The following RBFOX1 variants were observed in gnomAD, a reference collection of about 807,000 sequenced individuals.
The protein encoded by RBFOX1 is RNA binding fox-1 homolog 1, also known as RNA binding protein fox-1 homolog 1.
A neutral mutation model predicts 57.7 loss-of-function variants in RBFOX1; 8 were observed. The observed-to-expected ratio is 0.14, with a 90% CI of 0.08 to 0.25. The LOEUF (loss-of-function observed/expected upper bound fraction) is 0.25, where lower values mean the gene tolerates loss of function less well. RBFOX1 is among the 10% of genes least tolerant of loss of function. RBFOX1 has a pLI of 1.00. For synonymous variants in RBFOX1, 326 were observed against 222.4 expected (o/e 1.47, Z -4.15); for missense variants, 611 against 548.5 (o/e 1.11, Z -1.14).
intron 2 of RBFOX1, among the ~76,000 whole-genome samples, chr16:6,425,275 T>C (rs909755609): frequency 3.3e-5 from 5 of 151,914 alleles, no homozygotes; most frequent in African/African-American, 1.2e-4. Flanking sequence ...TTGGGGAGGG[T>C]AACATTGGGC....
chr16:6,335,195 G>C (rs928996429), intron 2 of RBFOX1, among the ~76,000 whole-genome samples: 3 of 152,176 alleles, frequency 2.0e-5, no homozygotes, highest in African/African-American at 7.2e-5. Context: ...TGTTAGACAC[G>C]TAAGGCAGAC....
Position 7,052,034 on chromosome 16 carries a change from C to T in RBFOX1, c.-15-23C>T, listed in dbSNP as rs773054835. Reference sequence around the variant, plus strand: ...TGATCCGGAGCCTTCTGACTTTTCCCCTTCATTTTCTTTTCTTTCTAGGTT... The same window carrying T: ...TGATCCGGAGCCTTCTGACTTTTCCTCTTCATTTTCTTTTCTTTCTAGGTT... On this transcript the variant is annotated intron_variant, in intron 3 of 15. Transcript: ENST00000550418. The T allele has an allele frequency of 9.6e-6, 15 of 1,564,128 alleles. No homozygotes were observed. The East Asian group carries it at 3.1e-4, about 33-fold the overall frequency.
downstream of RBFOX1, among the ~76,000 whole-genome samples, chr16:5,603,812 C>T (rs929522574): frequency 2.6e-5 from 4 of 152,198 alleles, no homozygotes; most frequent in African/African-American, 9.7e-5. Context: ...CTTGCAGGTA[C>T]ATGTTTCCTT....
chr16:6,605,750 G>GC (rs2097916865), intron 2 of RBFOX1, among the ~76,000 whole-genome samples: 1 of 152,168 alleles, frequency 6.6e-6, no homozygotes, highest in South Asian at 2.1e-4. Flanking sequence ...TGTTCGTGGA[G>GC]GTTGCATTTA....
At chr16:7,120,582 C>G (rs564395490) in intron 4 of RBFOX1, among the ~76,000 whole-genome samples, 66 of 151,172 alleles carry the variant, frequency 4.4e-4, no homozygotes, top group African/African-American at 1.6e-3. Context: ...TTATTCAAAA[C>G]AAACAGGATA....
intron 4 of RBFOX1, among the ~76,000 whole-genome samples, chr16:7,384,468 T>C (rs1223785297): frequency 6.6e-6 from 1 of 152,198 alleles, no homozygotes; most frequent in African/African-American, 2.4e-5. Context: ...AGCTGCTTAT[T>C]GCAGTGGGTT....
chr16:6,861,783 C>G (rs1174277800), intron 3 of RBFOX1, among the ~76,000 whole-genome samples: 3 of 144,714 alleles, frequency 2.1e-5, no homozygotes, highest in African/African-American at 7.7e-5. Flanking sequence ...AGTGTTTCCA[C>G]GTTCATACAC....
In RBFOX1 at chr16:5,295,288, G is replaced by T. The variant is rs573110641; in HGVS notation, c.219+55183G>T. On this transcript the variant is annotated intron_variant, in intron 1 of 2. Coordinates refer to the RBFOX1 transcript ENST00000585867. ...CTCTGAAATCAGAGCTCAAATCCAGGTTCTGCATTTCCCTCAGTAATGTAC... is the reference window on the plus strand; with the variant it reads ...CTCTGAAATCAGAGCTCAAATCCAGTTTCTGCATTTCCCTCAGTAATGTAC... Among the ~76,000 whole-genome samples, 199 of 152,210 alleles carry T rather than the reference G, an allele frequency of 1.3e-3. 1 individual carries two copies. The highest frequency in any genetic ancestry group is 1.3e-3 in the Non-Finnish European group (87 of 68,006).
intron 1 of RBFOX1, among the ~76,000 whole-genome samples, chr16:5,324,782 C>T (rs768440219): frequency 6.6e-6 from 1 of 152,108 alleles, no homozygotes; most frequent in Non-Finnish European, 1.5e-5. Flanking sequence ...TAGAGGGGAA[C>T]AACTGACATT....
At chr16:5,322,297 C>T (rs1200526323) in intron 1 of RBFOX1, among the ~76,000 whole-genome samples, 2 of 152,146 alleles carry the variant, frequency 1.3e-5, no homozygotes, top group East Asian at 1.9e-4. Flanking sequence ...CAGACTGCCT[C>T]TCAGATACAT....
intron 4 of RBFOX1, among the ~76,000 whole-genome samples, chr16:7,362,366 AGTGT>A (rs1025156231): frequency 6.1e-5 from 9 of 148,720 alleles, no homozygotes; most frequent in East Asian, 5.9e-4. Context: ...TGTGTATGCT[AGTGT>A]GTGTGTATGT....
At chr16:7,236,046 A>C (rs1174292052) in intron 4 of RBFOX1, among the ~76,000 whole-genome samples, 1 of 152,204 alleles carries the variant, frequency 6.6e-6, no homozygotes, top group East Asian at 1.9e-4. Context: ...ATAGTTCCTC[A>C]GATCAAAAAG....
chr16:6,983,639 G>C (rs1005528564), intron 3 of RBFOX1: 1 of 152,108 alleles, frequency 6.6e-6, no homozygotes, highest in African/African-American at 2.4e-5. Context: ...TTTTTCGCAG[G>C]CTTAATTATA....
chr16:7,130,130 T>G (rs1172246479), intron 4 of RBFOX1, among the ~76,000 whole-genome samples: 6 of 151,556 alleles, frequency 4.0e-5, no homozygotes, highest in African/African-American at 1.2e-4. Flanking sequence ...CCTCCTGGGT[T>G]CAAGCAATTC....
intron 4 of RBFOX1, among the ~76,000 whole-genome samples, chr16:7,401,275 A>G (rs1394777122): frequency 2.0e-5 from 3 of 152,276 alleles, no homozygotes; most frequent in Non-Finnish European, 4.4e-5. Context: ...AAATATATAG[A>G]GAAAAAGGTG....
intron 3 of RBFOX1, among the ~76,000 whole-genome samples, chr16:6,690,420 A>T (rs995501812): frequency 1.3e-5 from 2 of 152,210 alleles, no homozygotes; most frequent in Admixed American, 1.3e-4. Context: ...TTTTAAAAAA[A>T]TGGAGGGACT....
intron 3 of RBFOX1, among the ~76,000 whole-genome samples, chr16:7,029,034 G>C (rs1439214080): frequency 5.7e-4 from 29 of 50,988 alleles, no homozygotes; most frequent in South Asian, 5.3e-4. Context: ...GCATAAAACA[G>C]AAAAAAAAAA....
intron 4 of RBFOX1, among the ~76,000 whole-genome samples, chr16:7,124,992 T>G (rs2068127337): frequency 6.6e-6 from 1 of 152,130 alleles, no homozygotes; most frequent in Non-Finnish European, 1.5e-5. Context: ...GCTCACGGAC[T>G]GAGAGGTAGA....
chr16:7,664,344 T>G (rs1214376299), intron 12 of RBFOX1, among the ~76,000 whole-genome samples: 1 of 152,182 alleles, frequency 6.6e-6, no homozygotes, highest in Admixed American at 6.5e-5. Context: ...ATTAGAGATA[T>G]TCTCCATTAA....
Sources: allele counts gnomAD v4.1 joint callset (sites outside exome capture counted in the v4.1 genomes callset), GRCh38; gene constraint gnomAD v4.1.1; transcripts MANE v1.5; gene names NCBI Gene and HGNC (gene_info 2026-07-23, HGNC 2026-07-21).